The following HEMK2 variants were observed in gnomAD, a reference collection of about 807,000 sequenced individuals.
HEMK2 encodes methyltransferase HEMK2.
the HEMK2 span, among the ~76,000 whole-genome samples, chr21:28,739,908 C>T: frequency 6.6e-6 from 1 of 152,016 alleles, no homozygotes; most frequent in African/African-American, 2.4e-5. Context: ...AAATTTTTCC[C>T]GAAAGACCTC....
At chr21:28,593,681 A>G in the HEMK2 span, among the ~76,000 whole-genome samples, 1 of 152,212 alleles carries the variant, frequency 6.6e-6, no homozygotes, top group African/African-American at 2.4e-5. Context: ...TAAGCGAAAA[A>G]GCTCCCAATG....
At chr21:28,820,828 T>C in the HEMK2 span, among the ~76,000 whole-genome samples, 2 of 152,214 alleles carry the variant, frequency 1.3e-5, no homozygotes, top group Admixed American at 6.5e-5. Context: ...CTTATAAAAA[T>C]GTGGGGAAGC....
At chr21:28,803,526 T>C in the HEMK2 span, among the ~76,000 whole-genome samples, 2 of 152,188 alleles carry the variant, frequency 1.3e-5, no homozygotes, top group Non-Finnish European at 2.9e-5. Context: ...CAGAAAGTAC[T>C]GAAAGAAACT....
At chr21:28,735,718 C>A in the HEMK2 span, among the ~76,000 whole-genome samples, 1 of 152,182 alleles carries the variant, frequency 6.6e-6, no homozygotes, top group Admixed American at 6.5e-5. Flanking sequence ...CCACTAGACT[C>A]AGATTTAAAG....
At chr21:28,804,938 C>T in the HEMK2 span, among the ~76,000 whole-genome samples, 1 of 152,334 alleles carries the variant, frequency 6.6e-6, no homozygotes, top group Non-Finnish European at 1.5e-5. Context: ...CTTAAATCTA[C>T]AGAAACCTGG....
At chr21:28,600,754 A>G in the HEMK2 span, among the ~76,000 whole-genome samples, 12 of 152,144 alleles carry the variant, frequency 7.9e-5, no homozygotes, top group East Asian at 1.2e-3. Context: ...AACAGCACCC[A>G]AGTCACCTCT....
At chr21:28,857,157 G>A in the HEMK2 span, among the ~76,000 whole-genome samples, 1 of 152,096 alleles carries the variant, frequency 6.6e-6, no homozygotes, top group Non-Finnish European at 1.5e-5. Context: ...GAGTTACCCA[G>A]AAGTATGCTT....
At chr21:28,811,767 T>C in the HEMK2 span, among the ~76,000 whole-genome samples, 1 of 152,220 alleles carries the variant, frequency 6.6e-6, no homozygotes, top group Admixed American at 6.5e-5. Context: ...CATAATATGA[T>C]GCCAATTATA....
the HEMK2 span, among the ~76,000 whole-genome samples, chr21:28,864,883 T>TAG: frequency 7.0e-5 from 10 of 142,348 alleles, no homozygotes; most frequent in South Asian, 1.5e-3. Context: ...GATAGGTAGA[T>TAG]ATAGATGATA....
At chr21:28,676,612 G>A in the HEMK2 span, among the ~76,000 whole-genome samples, 1 of 152,188 alleles carries the variant, frequency 6.6e-6, no homozygotes. Context: ...ATGCACTGGG[G>A]TGTAGCCACA....
At chr21:28,797,553 T>C in the HEMK2 span, among the ~76,000 whole-genome samples, 1 of 151,816 alleles carries the variant, frequency 6.6e-6, no homozygotes, top group African/African-American at 2.4e-5. Context: ...AGGTGGAGGT[T>C]GCAGTGAGTG....
the HEMK2 span, among the ~76,000 whole-genome samples, chr21:28,857,471 T>A: frequency 2.0e-4 from 31 of 152,328 alleles, no homozygotes; most frequent in African/African-American, 7.5e-4. Flanking sequence ...TTGCTTGTTT[T>A]TAACTAGACC....
chr21:28,743,097 C>T, the HEMK2 span: 26,044 of 152,002 alleles, frequency 0.17, 2,588 homozygotes, highest in East Asian at 0.25. Context: ...TTGTCAAATG[C>T]GCTGCAGTGG....
At chr21:28,877,050 GGGAGGGAGGGAA>G in the HEMK2 span, among the ~76,000 whole-genome samples, 1 of 44,972 alleles carries the variant, frequency 2.2e-5, no homozygotes, top group African/African-American at 8.9e-5. Flanking sequence ...GAGGGAGGGA[GGGAGGGAGGGAA>G]GGAGGGAGGG....
the HEMK2 span, among the ~76,000 whole-genome samples, chr21:28,657,839 T>C: frequency 3.3e-5 from 5 of 152,028 alleles, no homozygotes; most frequent in East Asian, 9.6e-4. Flanking sequence ...CCAAGCTTCC[T>C]AGATAGACTT....
the HEMK2 span, among the ~76,000 whole-genome samples, chr21:28,588,390 C>T: frequency 1.4e-4 from 22 of 152,274 alleles, no homozygotes; most frequent in South Asian, 1.7e-3. Context: ...AGCTACACAT[C>T]TTTTCTGTGA....
the HEMK2 span, among the ~76,000 whole-genome samples, chr21:28,677,609 T>A: frequency 6.6e-6 from 1 of 152,168 alleles, no homozygotes. Flanking sequence ...CTCAAGTGGG[T>A]CCCTGACCCC....
At chr21:28,656,477 G>C in the HEMK2 span, among the ~76,000 whole-genome samples, 1 of 151,682 alleles carries the variant, frequency 6.6e-6, no homozygotes, top group Admixed American at 6.6e-5. Context: ...AAGAACATAG[G>C]GAAATACAGT....
chr21:28,758,956 T>C, the HEMK2 span, among the ~76,000 whole-genome samples: 2 of 152,180 alleles, frequency 1.3e-5, no homozygotes, highest in Non-Finnish European at 2.9e-5. Flanking sequence ...TCACTCCTGG[T>C]AGTCAGCTGA....
Sources: allele counts gnomAD v4.1 joint callset (sites outside exome capture counted in the v4.1 genomes callset), GRCh38; gene constraint gnomAD v4.1.1; transcripts MANE v1.5; gene names NCBI Gene and HGNC (gene_info 2026-07-23, HGNC 2026-07-21).